The following RNASEH1 variants were observed in gnomAD, a reference collection of about 807,000 sequenced individuals.
RNASEH1 encodes the protein ribonuclease H type II.
In RNASEH1, 27 loss-of-function variants were observed where a neutral mutation model predicts 34.6. The observed-to-expected ratio is 0.78, with a 90% CI of 0.58 to 1.08. The LOEUF (loss-of-function observed/expected upper bound fraction) is 1.08. Ranked by LOEUF, RNASEH1 falls within the 50% of genes least tolerant of loss-of-function variation. The probability of loss-of-function intolerance (pLI) is 0.00; values close to 1 mark genes in which losing one functional copy is unlikely to be tolerated. For synonymous variants in RNASEH1, 162 were observed against 138.4 expected, an observed-to-expected ratio of 1.17 and a Z score of -1.20; for missense variants, 349 against 373.6, an observed-to-expected ratio of 0.93 and a Z score of 0.54.
At chr2:3,552,465 C>T (rs1025891793) in intron 2 of RNASEH1, among the ~76,000 whole-genome samples, 157 bp from the exon 3 acceptor site, 2 of 149,434 alleles carry the variant, frequency 1.3e-5, no homozygotes, top group Non-Finnish European at 3.0e-5. Context: ...GGGAATGACC[C>T]CCTCCACGCC....
At position 3,550,372 on chromosome 2, in the gene RNASEH1, C is replaced by T. The variant is rs1669176541; in HGVS notation, c.509+1G>A. On this transcript the variant is annotated splice_donor_variant, in intron 4 of 7. Coordinates refer to ENST00000315212, the MANE Select transcript of RNASEH1 (RefSeq NM_002936.6). LOFTEE classifies it high-confidence loss of function. ...GTAAAACTCAGCTTCGTTTAACTTA[C>T]AAAGGATGGCCTGGCCCCCAGTAAA... 4 of 1,611,086 alleles carry T rather than the reference C, an allele frequency of 2.5e-6. No homozygotes were observed. Among genetic ancestry groups the T allele is most frequent in the Non-Finnish European group, 3.4e-6 (4 of 1,177,422 alleles).
chr2:3,557,717 A>G, intron 1 of RNASEH1: 1 of 489,268 alleles, frequency 2.0e-6, no homozygotes, highest in South Asian at 1.6e-5. Flanking sequence ...ATACTGGCTT[A>G]TTAGAATTTG....
At position 3,549,090 on chromosome 2, in the gene RNASEH1, C is replaced by T. The variant is rs1669037364; in HGVS notation, c.532G>A (p.Gly178Arg). 1.2e-6 allele frequency: 2 copies of T among 1,613,622 alleles called. No homozygotes were observed. Among genetic ancestry groups the T allele is most frequent in the African/African-American group, 1.3e-5 (1 of 74,914 alleles). ...TCCGCTCTTTGGTTTGTCTGCCGCC[C>T]AGGAAGTCTAATGCCTACATTTCTG... ...HPLNVGIRLPGRQTNQRAEIH... is the reference protein window; with the variant it reads ...HPLNVGIRLPRRQTNQRAEIH... Residue 178 changes from glycine to arginine, a missense_variant, in exon 5 of 8, where the codon GGG (glycine) becomes AGG (arginine). Coordinates refer to ENST00000315212, the MANE Select transcript of RNASEH1 (RefSeq NM_002936.6).
rs7563960 is a variant in RNASEH1 at position 3,552,110 on chromosome 2, G to T, written c.409+34C>A. On this transcript the variant is annotated intron_variant, in intron 3 of 7. Coordinates refer to ENST00000315212, the MANE Select transcript of RNASEH1 (RefSeq NM_002936.6). ...TTACACATAACATTTTCCTGACTGT[G>T]GTATTAAAATCTGAAAACCCAAGGA... is the stretch of plus-strand genomic sequence containing the variant. 995,565 of 1,567,794 alleles carry T rather than the reference G, an allele frequency of 0.64. 320,790 individuals carry two copies. The highest frequency in any genetic ancestry group is 0.87 in the African/African-American group (63,531 of 73,350).
chr2:3,546,932 G>A (rs1327351678), intron 7 of RNASEH1, among the ~76,000 whole-genome samples: 2 of 152,174 alleles, frequency 1.3e-5, no homozygotes, highest in Non-Finnish European at 2.9e-5. Context: ...AGACCAGCCT[G>A]GGTAACATGA....
At chr2:3,550,189 T>G in intron 4 of RNASEH1, 184 bp downstream of exon 4, 9 of 502,694 alleles carry the variant, frequency 1.8e-5, no homozygotes, top group South Asian at 4.9e-5. Context: ...AAAGCTGAGG[T>G]ACCTCACGTT....
chr2:3,554,435 C>A (rs1341210110), intron 2 of RNASEH1, among the ~76,000 whole-genome samples: 2 of 152,138 alleles, frequency 1.3e-5, no homozygotes. Flanking sequence ...AGTAAATTAA[C>A]CTTAAATCAG....
At chr2:3,550,338 C>T (rs749487189) in intron 4 of RNASEH1, 35 bp downstream of exon 4, 2 of 1,491,550 alleles carry the variant, frequency 1.3e-6, no homozygotes, top group Admixed American at 3.3e-5. Context: ...AGTTGTGGAA[C>T]ATGATTCAGT....
At chr2:3,532,434 G>T in the RNASEH1 span, 1 of 689,738 alleles carries the variant, frequency 1.4e-6, no homozygotes, top group African/African-American at 1.8e-5. Flanking sequence ...GAACTCCCAA[G>T]GGGCCCCGTT....
At chr2:3,536,315 T>C in the RNASEH1 span, among the ~76,000 whole-genome samples, 1 of 152,220 alleles carries the variant, frequency 6.6e-6, no homozygotes, top group South Asian at 2.1e-4. Flanking sequence ...GTTTCCTCCC[T>C]GTAAAATAAA....
chr2:3,557,750 G>A (rs1660656431), intron 1 of RNASEH1: 2 of 674,910 alleles, frequency 3.0e-6, no homozygotes, highest in South Asian at 1.5e-5. Context: ...GGGAAGATTA[G>A]GTACTGAGTT....
chr2:3,552,330 G>A (rs781000187), intron 2 of RNASEH1, 22 bp from the exon 3 acceptor site: 50 of 1,607,894 alleles, frequency 3.1e-5, no homozygotes, highest in South Asian at 1.0e-4. Context: ...GAGTCCACTC[G>A]TGAGCTGGAA....
At chr2:3,535,428 TA>T in the RNASEH1 span, among the ~76,000 whole-genome samples, 277 of 114,590 alleles carry the variant, frequency 2.4e-3, no homozygotes, top group Admixed American at 4.2e-3. Context: ...CTATCCTGTC[TA>T]AAAAAAAAAA....
chr2:3,548,700 C>T lies in RNASEH1; in HGVS notation c.589G>A (p.Ala197Thr). The T allele has an allele frequency of 1.2e-6, 2 of 1,613,210 alleles. No homozygotes were observed. The highest frequency in any genetic ancestry group is 1.7e-6 in the Non-Finnish European group (2 of 1,179,270). Residue 197 changes from alanine to threonine, a missense_variant, in exon 6 of 8, where the codon GCA becomes ACA. Physicochemically the swap from Ala to Thr is moderately conservative, Grantham distance 58. This residue lies in a region of RNASEH1 where 93 missense variants were observed against 132.9 expected (regional missense o/e 0.70). Coordinates refer to ENST00000315212, the MANE Select transcript of RNASEH1 (RefSeq NM_002936.6). ...AGTTTATTGATGTTTTGAGTCTTTG[C>T]TTGTTCAATGGCTTTGCAGGCTGCC... ...IHAACKAIEQ[A>T]KTQNINKLVL...
downstream of RNASEH1, among the ~76,000 whole-genome samples, chr2:3,538,401 CAA>C (rs1668104865): frequency 6.6e-6 from 1 of 151,688 alleles, no homozygotes. Context: ...AGATAGCATA[CAA>C]AGACGCACAC....
chr2:3,545,991 G>A (rs967237604), intron 7 of RNASEH1, 120 bp from the exon 8 acceptor site: 10 of 711,508 alleles, frequency 1.4e-5, no homozygotes, highest in African/African-American at 5.2e-5. Flanking sequence ...CAACTTCAAC[G>A]CTCCTCTCCC....
rs1348216516 is a variant in RNASEH1, at chr2:3,556,116, G to A, written c.244+673C>T. On this transcript the variant is annotated intron_variant, in intron 2 of 7. Transcript: ENST00000315212. Reference sequence around the variant, plus strand: ...TTGAACGCAGGAGGCAGAGACTGCAGTGAGCCAAGATTGTGCCACTGCACT... The same window carrying A: ...TTGAACGCAGGAGGCAGAGACTGCAATGAGCCAAGATTGTGCCACTGCACT... 4.6e-5 allele frequency among the ~76,000 whole-genome samples: 7 copies of A among 152,108 alleles called. No homozygotes were observed. The East Asian group carries it at 1.4e-3, about 30-fold the overall frequency.
chr2:3,552,230 T>C lies in RNASEH1; in HGVS notation c.323A>G (p.His108Arg), dbSNP rs201525462. The C allele has an allele frequency of 3.0e-5, 49 of 1,613,850 alleles. No individual in the cohort carries two copies. Among genetic ancestry groups the C allele is most frequent in the African/African-American group, 1.7e-4 (13 of 75,024 alleles). ...RLREPLDGDG[H>R]ESAEPYAKHM... is the part of the protein sequence containing the mutation. The stretch of plus-strand genomic sequence containing the variant: ...CTTTGCATACGGCTCTGCGCTTTCA[T>C]GTCCATCTCCATCCAGTGGCTCACG... The change falls in exon 3 of 8, where the codon CAT becomes CGT. Residue 108 changes from histidine to arginine, a missense_variant. Transcript: ENST00000315212.
intron 6 of RNASEH1, 25 bp downstream of exon 6, chr2:3,548,615 G>C (rs760063676): frequency 1.3e-6 from 2 of 1,484,370 alleles, no homozygotes; most frequent in South Asian, 2.3e-5. Flanking sequence ...TGGAAAAACA[G>C]AAGAAATCAA....
Sources: allele counts gnomAD v4.1 joint callset (sites outside exome capture counted in the v4.1 genomes callset), GRCh38; gene constraint gnomAD v4.1.1; regional missense constraint gnomAD v4.1.1; transcripts MANE v1.5; gene names NCBI Gene and HGNC (gene_info 2026-07-23, HGNC 2026-07-21).